TPH2: variants seen among roughly 807,000 people sequenced by gnomAD.
TPH2 encodes tryptophan 5-hydroxylase 2.
In TPH2, 27 loss-of-function variants were observed where a neutral mutation model predicts 59.1. The ratio of observed to expected loss-of-function variants is 0.46; its 90% CI spans 0.34 to 0.63. The LOEUF (loss-of-function observed/expected upper bound fraction) is 0.63. Ranked by LOEUF, TPH2 falls within the 30% of genes least tolerant of loss-of-function variation. The pLI, the probability that TPH2 is intolerant of heterozygous loss-of-function variation, is 0.01. For synonymous variants in TPH2, 220 were observed against 210.5 expected (o/e 1.05, Z -0.39); for missense variants, 523 against 588.3 (o/e 0.89, Z 1.15).
intron 8 of TPH2, among the ~76,000 whole-genome samples, chr12:72,007,403 G>T (rs2139232716): frequency 6.6e-6 from 1 of 152,278 alleles, no homozygotes; most frequent in South Asian, 2.1e-4. Flanking sequence ...AATACATGCA[G>T]CCTTCCCTGA....
chr12:71,969,176 C>G (rs554458795), intron 5 of TPH2, among the ~76,000 whole-genome samples: 15 of 151,824 alleles, frequency 9.9e-5, no homozygotes, highest in African/African-American at 2.7e-4. Context: ...CCAGCTACCC[C>G]GGAGGCTGAG....
At chr12:71,956,280 T>C (rs1871493629) in intron 5 of TPH2, among the ~76,000 whole-genome samples, 1 of 152,170 alleles carries the variant, frequency 6.6e-6, no homozygotes, top group Non-Finnish European at 1.5e-5. Flanking sequence ...TCCATTAGAT[T>C]CATAGACCAA....
chr12:71,981,405 T>C (rs527590084), intron 7 of TPH2, among the ~76,000 whole-genome samples: 2 of 152,076 alleles, frequency 1.3e-5, no homozygotes, highest in Admixed American at 6.5e-5. Context: ...TGGAGAAAAA[T>C]GACTGGGGGT....
chr12:71,986,184 C>T (rs1310036527), intron 7 of TPH2, among the ~76,000 whole-genome samples: 1 of 152,214 alleles, frequency 6.6e-6, no homozygotes, highest in East Asian at 1.9e-4. Flanking sequence ...GCCATTTAAC[C>T]TCCCTGTGTG....
At chr12:72,020,643 C>A (rs574464168) in intron 8 of TPH2, among the ~76,000 whole-genome samples, 25 of 152,192 alleles carry the variant, frequency 1.6e-4, no homozygotes, top group Non-Finnish European at 3.4e-4. Context: ...TGCACCACCA[C>A]GCCCAGCTAA....
At chr12:71,999,203 A>G (rs1486695813) in intron 8 of TPH2, among the ~76,000 whole-genome samples, 1 of 152,188 alleles carries the variant, frequency 6.6e-6, no homozygotes, top group Non-Finnish European at 1.5e-5. Flanking sequence ...TTTCTATAGA[A>G]TATTTATTTT....
intron 8 of TPH2, among the ~76,000 whole-genome samples, chr12:72,011,094 A>G (rs1192358363): frequency 6.6e-6 from 1 of 152,198 alleles, no homozygotes; most frequent in Non-Finnish European, 1.5e-5. Flanking sequence ...ATGTCCTCAC[A>G]GTGAAGTTTA....
chr12:71,949,903 C>T (rs899801665), intron 5 of TPH2, among the ~76,000 whole-genome samples: 21 of 152,096 alleles, frequency 1.4e-4, no homozygotes, highest in Admixed American at 7.9e-4. Flanking sequence ...CCAGCTCCAC[C>T]AAGACAAAGA....
intron 8 of TPH2, among the ~76,000 whole-genome samples, chr12:72,016,565 A>G (rs1873260760): frequency 6.6e-6 from 1 of 152,118 alleles, no homozygotes; most frequent in Non-Finnish European, 1.5e-5. Flanking sequence ...CCAATCTCAA[A>G]TCCATCTTAA....
chr12:71,940,744 G>T (rs569849190), intron 1 of TPH2, among the ~76,000 whole-genome samples: 2 of 152,206 alleles, frequency 1.3e-5, no homozygotes, highest in African/African-American at 4.8e-5. Context: ...CTGAGTTACT[G>T]GAATCTGTCA....
chr12:71,958,028 G>A (rs1871560690), intron 5 of TPH2, among the ~76,000 whole-genome samples: 1 of 152,190 alleles, frequency 6.6e-6, no homozygotes, highest in African/African-American at 2.4e-5. Flanking sequence ...CACACAACGA[G>A]CCCTTGAGGT....
At chr12:71,951,742 T>G (rs1871355191) in intron 5 of TPH2, among the ~76,000 whole-genome samples, 1 of 151,900 alleles carries the variant, frequency 6.6e-6, no homozygotes, top group Non-Finnish European at 1.5e-5. Context: ...TGACATGATT[T>G]CGGCCGGGTA....
chr12:71,964,497 T>G (rs531104285), intron 5 of TPH2: 1 of 982,116 alleles, frequency 1.0e-6, no homozygotes, highest in East Asian at 1.1e-4. Context: ...GCAGAATATA[T>G]ATATATATTC....
chr12:72,029,254 G>T (rs972536646), intron 9 of TPH2, among the ~76,000 whole-genome samples: 1 of 152,172 alleles, frequency 6.6e-6, no homozygotes, highest in Non-Finnish European at 1.5e-5. Context: ...TGGCTTTAAT[G>T]TTCTTACAGC....
At chr12:71,943,034 A>G (rs1871115712) in intron 2 of TPH2, among the ~76,000 whole-genome samples, 1 of 152,154 alleles carries the variant, frequency 6.6e-6, no homozygotes, top group Non-Finnish European at 1.5e-5. Context: ...TTCCCCTAAA[A>G]ACATCTACTC....
At chr12:71,975,444 A>G (rs1225414833) in intron 6 of TPH2, among the ~76,000 whole-genome samples, 1 of 152,098 alleles carries the variant, frequency 6.6e-6, no homozygotes, top group Non-Finnish European at 1.5e-5. Flanking sequence ...TAGTTTGCTG[A>G]TCTCTGTTTT....
intron 1 of TPH2, among the ~76,000 whole-genome samples, chr12:71,941,139 T>C (rs896008664): frequency 2.0e-5 from 3 of 152,212 alleles, no homozygotes; most frequent in African/African-American, 7.2e-5. Flanking sequence ...TAAAATTTAA[T>C]TGAAACTAAA....
At chr12:71,997,372 C>G (rs1307522332) in intron 8 of TPH2, among the ~76,000 whole-genome samples, 1 of 152,176 alleles carries the variant, frequency 6.6e-6, no homozygotes, top group Non-Finnish European at 1.5e-5. Context: ...TTCACAGGTT[C>G]TGGGGATTAG....
Position 72,031,642 on chromosome 12 carries a change from T to G in TPH2, c.1420T>G (p.Leu474Val), listed in dbSNP as rs199726216. ...ENVVQDLRSD[L>V]NTVCDALNKM... is the part of the protein sequence containing the mutation. The stretch of plus-strand genomic sequence containing the variant: ...TGTGGTGCAGGACCTTCGCAGCGAC[T>G]TGAATACAGTGTGTGATGCTTTAAA... The change falls in exon 11 of 11, where the codon TTG becomes GTG. Residue 474 changes from leucine to valine, a missense_variant. Leu to Val is a conservative substitution (Grantham distance 32). Transcript: ENST00000333850. 3 of 1,613,662 alleles carry G rather than the reference T, an allele frequency of 1.9e-6. No individual in the cohort carries two copies. Among genetic ancestry groups the G allele is most frequent in the Non-Finnish European group, 2.5e-6 (3 of 1,179,606 alleles).
Sources: allele counts gnomAD v4.1 joint callset (sites outside exome capture counted in the v4.1 genomes callset), GRCh38; gene constraint gnomAD v4.1.1; transcripts MANE v1.5; gene names NCBI Gene and HGNC (gene_info 2026-07-23, HGNC 2026-07-21).